Variants in ZNF496 observed in about 807,000 individuals in gnomAD.
The protein encoded by ZNF496 is zinc finger protein 496.
In ZNF496, 11 loss-of-function variants were observed where a neutral mutation model predicts 58.9. That is an observed-to-expected ratio of 0.19 (90% confidence interval 0.12 to 0.31). ZNF496 has a LOEUF of 0.31. Among genes scored for constraint, ZNF496 ranks in the 10% least tolerant of loss-of-function variants. The pLI, the probability that ZNF496 is intolerant of heterozygous loss-of-function variation, is 1.00. For synonymous variants in ZNF496, 338 were observed against 318.2 expected, an observed-to-expected ratio of 1.06 and a Z score of -0.66; for missense variants, 660 against 783.0, an observed-to-expected ratio of 0.84 and a Z score of 1.88.
chr1:247,312,317 T>C (rs1402980027), intron 6 of ZNF496: 2 of 152,258 alleles, frequency 1.3e-5, no homozygotes, highest in Non-Finnish European at 2.9e-5. Flanking sequence ...ATAAGAAGGA[T>C]GGCCTTTCCT....
chr1:247,323,080 G>T (rs1238166742), intron 6 of ZNF496, 74 bp downstream of exon 6: 15 of 1,270,960 alleles, frequency 1.2e-5, no homozygotes, highest in Non-Finnish European at 1.6e-5. Flanking sequence ...GCTGGCTGGG[G>T]TCCTAAGAAA....
rs1659167467 is a variant in ZNF496 at position 247,299,499 on chromosome 1, T to C, written c.*1020A>G. 1 of 152,276 alleles carries C rather than the reference T, an allele frequency of 6.6e-6. No individual in the cohort carries two copies. The highest frequency in any genetic ancestry group is 2.1e-4 in the South Asian group (1 of 4,834). 9.4% of individuals were successfully genotyped at this position (152,276 alleles called of 1,614,324 possible). On this transcript the variant is annotated 3_prime_UTR_variant, in exon 10 of 10. Coordinates refer to ENST00000682384, the MANE Select transcript of ZNF496 (RefSeq NM_032752.3). Reference sequence around the variant, plus strand: ...GTCAGGGAATACACTCCTGTTGTTCTAAGCCAGCCAGTGTTTGGACACACC... The same window carrying C: ...GTCAGGGAATACACTCCTGTTGTTCCAAGCCAGCCAGTGTTTGGACACACC...
rs1290456284 is a variant in ZNF496, at chr1:247,297,659, TC to T, written c.*2859del. The stretch of plus-strand genomic sequence containing the variant: ...CAAAGATCTCCTGGGTGCAGCCTCC[TC>T]CACCACTGTGGTGAAGGGTGTTGGG... On this transcript the variant is annotated 3_prime_UTR_variant, in exon 10 of 10. Transcript: ENST00000682384. 6.6e-6 allele frequency: 1 copy of T among 152,398 alleles called. No individual in the cohort carries two copies. Among genetic ancestry groups the T allele is most frequent in the African/African-American group, 2.4e-5 (1 of 41,588 alleles). 9.4% of individuals were successfully genotyped at this position (152,398 alleles called of 1,614,324 possible). A position where few individuals can be genotyped will look rare whatever the true frequency, so the allele number is the denominator to read the frequency against.
intron 9 of ZNF496, chr1:247,307,866 G>T (rs1173622504): frequency 3.0e-6 from 3 of 985,030 alleles, no homozygotes; most frequent in Non-Finnish European, 3.6e-6. Flanking sequence ...TCTGGAAGTG[G>T]TGACTTTTAC....
intron 9 of ZNF496, among the ~76,000 whole-genome samples, chr1:247,301,738 A>C (rs1659245770): frequency 6.6e-6 from 1 of 152,206 alleles, no homozygotes. Flanking sequence ...GGGCACTTGC[A>C]TGCTCCAGGG....
intron 6 of ZNF496, among the ~76,000 whole-genome samples, chr1:247,321,709 A>C (rs1659970036): frequency 6.6e-6 from 1 of 152,228 alleles, no homozygotes; most frequent in Non-Finnish European, 1.5e-5. Flanking sequence ...CAGGAATTGA[A>C]AGATGAAGAC....
rs912549347 is a variant in ZNF496 at position 247,308,022 on chromosome 1, T to C, written c.1006+453A>G. ...AGATTCTGTGCCAGGATGCTGGCCA[T>C]CCATGCTGAGAGAAGAAAAACACTC... is the stretch of plus-strand genomic sequence containing the variant. On this transcript the variant is annotated intron_variant, in intron 9 of 9. Coordinates refer to ENST00000682384, the MANE Select transcript of ZNF496 (RefSeq NM_032752.3). This position sits in a 1 kb window ranked among gnomAD's most constrained non-coding sequence, Gnocchi z 4.5. The C allele has an allele frequency of 1.3e-5, 13 of 985,198 alleles. No homozygotes were observed. The highest frequency in any genetic ancestry group is 4.7e-5 in the South Asian group (1 of 21,284). The allele number at this position is 985,198 out of a possible 1,614,324, so 61.0% of individuals were successfully genotyped here. A position where few individuals can be genotyped will look rare whatever the true frequency, so the allele number is the denominator to read the frequency against.
chr1:247,304,733 T>A (rs1241416252), intron 9 of ZNF496, among the ~76,000 whole-genome samples: 1 of 152,240 alleles, frequency 6.6e-6, no homozygotes, highest in East Asian at 1.9e-4. Flanking sequence ...CTTGGATTTC[T>A]CTATTTTGGA....
In ZNF496 at chr1:247,309,989, A is replaced by G. The variant is rs1211668576; in HGVS notation, c.785-183T>C. ...GGGGGCAGCACACGCAGGGAGAGCT[A>G]TGGGCTTGGGGGTCTCTCTGAGGCT... On this transcript the variant is annotated intron_variant, in intron 7 of 9. Coordinates refer to ENST00000682384, the MANE Select transcript of ZNF496 (RefSeq NM_032752.3). The surrounding 1 kb of genome is among the most constrained non-coding windows in gnomAD (Gnocchi z 4.3). 4 of 1,367,298 alleles carry G rather than the reference A, an allele frequency of 2.9e-6. No individual in the cohort carries two copies. The highest frequency in any genetic ancestry group is 3.9e-6 in the Non-Finnish European group (4 of 1,036,916). The allele number at this position is 1,367,298 out of a possible 1,614,324, so 84.7% of individuals were successfully genotyped here.
rs1659226669 is a variant in ZNF496 at position 247,301,246 on chromosome 1, C to A, written c.1037G>T (p.Ser346Ile). ...CTCGATGGTCACTTCTTCATCCAGGCTGTTCTCTAGAGATCGCGGGTTGCC... is the reference window on the plus strand; with the variant it reads ...CTCGATGGTCACTTCTTCATCCAGGATGTTCTCTAGAGATCGCGGGTTGCC... ...AGGNPRSLENSLDEEVTIEIV... is the reference protein window; with the variant it reads ...AGGNPRSLENILDEEVTIEIV... The change falls in exon 10 of 10, where the codon AGC (serine) becomes ATC (isoleucine). Residue 346 changes from serine to isoleucine, a missense_variant. Coordinates refer to ENST00000682384, the MANE Select transcript of ZNF496 (RefSeq NM_032752.3). 1.3e-6 allele frequency: 2 copies of A among 1,527,856 alleles called. No homozygotes were observed. Among genetic ancestry groups the A allele is most frequent in the Non-Finnish European group, 8.8e-7 (1 of 1,139,844 alleles). 94.6% of individuals were successfully genotyped at this position (1,527,856 alleles called of 1,614,324 possible).
At chr1:247,323,484 C>G (rs1453637590) in intron 5 of ZNF496, among the ~76,000 whole-genome samples, 1 of 152,154 alleles carries the variant, frequency 6.6e-6, no homozygotes, top group Non-Finnish European at 1.5e-5. Flanking sequence ...GACTTTGTTT[C>G]CAGATATAAC....
chr1:247,302,529 C>A (rs1026401510), intron 9 of ZNF496, among the ~76,000 whole-genome samples: 2 of 151,942 alleles, frequency 1.3e-5, no homozygotes, highest in African/African-American at 4.8e-5. Flanking sequence ...CATTATGTTG[C>A]CCAGGCTGGT....
At chr1:247,306,635 G>A (rs879690607) in intron 9 of ZNF496, among the ~76,000 whole-genome samples, 1 of 151,514 alleles carries the variant, frequency 6.6e-6, no homozygotes, top group Non-Finnish European at 1.5e-5. Context: ...CCCAGTAGCT[G>A]AGACTACAGG....
intron 6 of ZNF496, 143 bp downstream of exon 6, chr1:247,323,011 G>A (rs991827544): frequency 2.9e-5 from 21 of 729,298 alleles, no homozygotes; most frequent in East Asian, 1.4e-4. Flanking sequence ...TTAAGCTCAC[G>A]CTCTGCCTAT....
rs189693670 is a variant in ZNF496, at chr1:247,322,887, C to T, written c.651+267G>A. The T allele has an allele frequency of 4.2e-6, 4 of 959,470 alleles. No homozygotes were observed. The Admixed American group carries it at 7.3e-5, about 18-fold the overall frequency. 59.4% of individuals were successfully genotyped at this position (959,470 alleles called of 1,614,324 possible). A position where few individuals can be genotyped will look rare whatever the true frequency, so the allele number is the denominator to read the frequency against. The stretch of plus-strand genomic sequence containing the variant: ...GCTGAGAGGCCCATCAATGGGGACT[C>T]ATGGGCCTTTGTTTCCTGCTATCGT... On this transcript the variant is annotated intron_variant, in intron 6 of 9. Coordinates refer to ENST00000682384, the MANE Select transcript of ZNF496 (RefSeq NM_032752.3).
intron 6 of ZNF496, among the ~76,000 whole-genome samples, chr1:247,319,857 G>A (rs61838687): frequency 0.088 from 13,448 of 152,034 alleles, 719 homozygotes; most frequent in Middle Eastern, 0.16. Context: ...CAGGAGATGG[G>A]GGCTCCAGTG....
At chr1:247,319,532 C>T (rs1206025169) in intron 6 of ZNF496, among the ~76,000 whole-genome samples, 1 of 152,146 alleles carries the variant, frequency 6.6e-6, no homozygotes. Flanking sequence ...CAAACTTAAG[C>T]CCTAACATGT....
intron 6 of ZNF496, chr1:247,322,917 A>C: frequency 1.2e-6 from 1 of 811,252 alleles, no homozygotes. Flanking sequence ...TATCGTCTGC[A>C]CAAAGCTTCC....
In ZNF496 at chr1:247,329,676, G is replaced by C; in HGVS notation, c.-37-61C>G. 6.9e-7 allele frequency: 1 copy of C among 1,455,424 alleles called. No individual in the cohort carries two copies. The highest frequency in any genetic ancestry group is 9.2e-7 in the Non-Finnish European group (1 of 1,090,712). 90.2% of individuals were successfully genotyped at this position (1,455,424 alleles called of 1,614,324 possible). On this transcript the variant is annotated intron_variant, in intron 3 of 9. Transcript: ENST00000682384. The surrounding 1 kb of genome is among the most constrained non-coding windows in gnomAD (Gnocchi z 5.5). Reference sequence around the variant, plus strand: ...TGGTCTCCTGTGGTCATTTCTGGGGGACAGTGACAAGGAAACTGTCAATGC... The same window carrying C: ...TGGTCTCCTGTGGTCATTTCTGGGGCACAGTGACAAGGAAACTGTCAATGC...
Sources: allele counts gnomAD v4.1 joint callset (sites outside exome capture counted in the v4.1 genomes callset), GRCh38; gene constraint gnomAD v4.1.1; non-coding constraint Gnocchi (gnomAD v3.1); transcripts MANE v1.5; gene names NCBI Gene and HGNC (gene_info 2026-07-23, HGNC 2026-07-21).